Variants in CTBP2 observed in about 807,000 individuals in gnomAD.
CTBP2 encodes C-terminal binding protein 2, also known as C-terminal-binding protein 2.
Under a neutral mutation model 80.3 loss-of-function variants are expected in CTBP2, and 30 were observed. The observed-to-expected ratio is 0.37, with a 90% CI of 0.28 to 0.51. The LOEUF (loss-of-function observed/expected upper bound fraction) is 0.51. Among genes scored for constraint, CTBP2 ranks in the 20% least tolerant of loss-of-function variants. The pLI is 0.93. For missense variants in CTBP2, 1,212 were observed against 1,375.3 expected, an observed-to-expected ratio of 0.88 and a Z score of 1.88; for synonymous variants, 594 against 587.4, an observed-to-expected ratio of 1.01 and a Z score of -0.16.
chr10:125,083,778 G>C (rs778358902), intron 2 of CTBP2, among the ~76,000 whole-genome samples: 8 of 151,958 alleles, frequency 5.3e-5, no homozygotes, highest in Non-Finnish European at 1.0e-4. Context: ...CCCAGCTAAA[G>C]TTTTTTTTGT....
At chr10:125,132,530 A>G (rs1856352090) in intron 1 of CTBP2, among the ~76,000 whole-genome samples, 1 of 152,088 alleles carries the variant, frequency 6.6e-6, no homozygotes, top group Non-Finnish European at 1.5e-5. Context: ...GAGGAGGAGG[A>G]TTTCCAACCA....
chr10:125,134,332 C>G lies in CTBP2; in HGVS notation c.-205-23239G>C, dbSNP rs372782866. Among the ~76,000 whole-genome samples the G allele has an allele frequency of 1.9e-3, 296 of 152,130 alleles. 1 individual carries two copies. The highest frequency in any genetic ancestry group is 7.0e-3 in the African/African-American group (289 of 41,510). Reference sequence around the variant, plus strand: ...CCAACTCAAGTCCACCCAGCGGAAGCCCCCCCGCCCCGTGCCTTGCTCAGC... The same window carrying G: ...CCAACTCAAGTCCACCCAGCGGAAGGCCCCCCGCCCCGTGCCTTGCTCAGC... On this transcript the variant is annotated intron_variant, in intron 1 of 10. Transcript: ENST00000337195.
rs1006177396 is a variant in CTBP2, at chr10:124,985,074, A to C, written c.*4444T>G. The C allele has an allele frequency of 7.8e-6, 9 of 1,153,696 alleles. No individual in the cohort carries two copies. Among genetic ancestry groups the C allele is most frequent in the African/African-American group, 1.5e-5 (1 of 64,934 alleles). 71.5% of individuals were successfully genotyped at this position (1,153,696 alleles called of 1,614,324 possible). ...TAGTGTGGTGCTCCAAGCAGAGTCG[A>C]CATCATGGAATGAACCAAATCTGGC... On this transcript the variant is annotated 3_prime_UTR_variant, in exon 9 of 9. Transcript: ENST00000309035.
chr10:125,034,884 G>C (rs1414011780), intron 3 of CTBP2, among the ~76,000 whole-genome samples: 1 of 152,206 alleles, frequency 6.6e-6, no homozygotes, highest in African/African-American at 2.4e-5. Context: ...GCTCTGATGG[G>C]TGTTTGCCAG....
intron 1 of CTBP2, among the ~76,000 whole-genome samples, chr10:125,156,172 G>A (rs1309120738): frequency 6.6e-6 from 1 of 152,140 alleles, no homozygotes; most frequent in Non-Finnish European, 1.5e-5. Flanking sequence ...CCTGAGCTGT[G>A]CCCTGCCCAA....
chr10:125,061,054 G>T (rs1432186031), intron 2 of CTBP2, among the ~76,000 whole-genome samples: 1 of 152,178 alleles, frequency 6.6e-6, no homozygotes, highest in Non-Finnish European at 1.5e-5. Flanking sequence ...ACTCTCCCAG[G>T]ATTCCTGCGG....
Position 125,066,211 on chromosome 10 carries a change from C to A in CTBP2, c.-101-27056G>T, listed in dbSNP as rs2135403771. Among the ~76,000 whole-genome samples, 1 of 152,196 alleles carries A rather than the reference C, an allele frequency of 6.6e-6. No individual in the cohort carries two copies. The highest frequency in any genetic ancestry group is 1.9e-4 in the East Asian group (1 of 5,156). On this transcript the variant is annotated intron_variant, in intron 2 of 10. Coordinates refer to the CTBP2 transcript ENST00000337195. This position sits in a 1 kb window ranked among gnomAD's most constrained non-coding sequence, Gnocchi z 4.1. ...TGAGCTATGAGCCCCTACATCACAG[C>A]TTCTGTTAACATGGCGATGGCTAGG...
Position 125,026,444 on chromosome 10 carries a change from T to C in CTBP2, c.1316A>G (p.Tyr439Cys). 2 of 1,600,984 alleles carry C rather than the reference T, an allele frequency of 1.2e-6. No homozygotes were observed. Among genetic ancestry groups the C allele is most frequent in the African/African-American group, 1.3e-5 (1 of 74,668 alleles). ...CAGGGCGCAAGGGGTGGGAGAGCTG[T>C]ACCCGGAGTTGGAGGGGAAGTGTGG... The change falls in exon 1 of 9, where the codon TAC (tyrosine) becomes TGC (cysteine). Residue 439 changes from tyrosine (Y) to cysteine (C), a missense_variant. Physicochemically the swap from Tyr to Cys is radical, Grantham distance 194 (BLOSUM62 -2). Around this residue, in one of 3 missense-constraint regions of CTBP2, gnomAD observed 848 missense variants for 782.3 expected, o/e 1.08. Transcript: ENST00000309035.
rs147571820 is a variant in CTBP2 at position 124,992,754 on chromosome 10, C to T, written c.2718G>A (p.Ala906=). ...CTTGCTGGTCTATTACTGACCAAGGCGCTGATGTGACAAAGAATTCCTTGT... is the reference window on the plus strand; with the variant it reads ...CTTGCTGGTCTATTACTGACCAAGGTGCTGATGTGACAAAGAATTCCTTGT... The change falls in exon 8 of 9, where the codon GCG becomes GCA. Residue 906 remains alanine, a synonymous_variant. Coordinates refer to ENST00000309035, the MANE Select transcript of CTBP2 (RefSeq NM_022802.3). 5.7e-5 allele frequency: 92 copies of T among 1,609,788 alleles called. No homozygotes were observed. The African/African-American group carries it at 7.5e-4, about 13-fold the overall frequency.
intron 1 of CTBP2, among the ~76,000 whole-genome samples, chr10:125,139,723 C>A (rs1478780840): frequency 6.6e-6 from 1 of 152,182 alleles, no homozygotes; most frequent in Non-Finnish European, 1.5e-5. Flanking sequence ...AACTTCCCCA[C>A]CCAAAGTGTG....
chr10:124,989,756 G>A, intron 8 of CTBP2, 58 bp from the exon 11 acceptor site: 1 of 1,474,608 alleles, frequency 6.8e-7, no homozygotes, highest in Non-Finnish European at 9.1e-7. Context: ...CCAAGCTCTT[G>A]GCTCTTCTAC....
At chr10:125,133,920 C>T (rs1856566397) in intron 1 of CTBP2, among the ~76,000 whole-genome samples, 1 of 152,202 alleles carries the variant, frequency 6.6e-6, no homozygotes, top group Admixed American at 6.5e-5. Context: ...CACTTCCTAA[C>T]CACGGCTGGA....
rs1178484957 is a variant in CTBP2, at chr10:124,987,563, T to G, written c.*1955A>C. 1 of 152,144 alleles carries G rather than the reference T, an allele frequency of 6.6e-6. No individual in the cohort carries two copies. The highest frequency in any genetic ancestry group is 1.5e-5 in the Non-Finnish European group (1 of 68,022). 9.4% of individuals were successfully genotyped at this position (152,144 alleles called of 1,614,324 possible). ...CACGCATATTTCATTGCCTCTTTGA[T>G]GAGTGGTTACGAAGACGTTAAACTA... is the stretch of plus-strand genomic sequence containing the variant. On this transcript the variant is annotated 3_prime_UTR_variant, in exon 9 of 9. Transcript: ENST00000309035.
chr10:125,020,924 G>A (rs552126886), intron 1 of CTBP2, among the ~76,000 whole-genome samples: 2 of 152,318 alleles, frequency 1.3e-5, no homozygotes, highest in African/African-American at 2.4e-5. Flanking sequence ...GGCCCACTAA[G>A]CTTTAACAAG....
rs3906796 is a variant in CTBP2 at position 124,985,429 on chromosome 10, A to C, written c.*4089T>G. 121,676 of 154,084 alleles carry C rather than the reference A, an allele frequency of 0.79. 49,483 individuals are homozygous for C. Among genetic ancestry groups the C allele is most frequent in the East Asian group, 0.95 (4,957 of 5,222 alleles). 9.5% of individuals were successfully genotyped at this position (154,084 alleles called of 1,614,324 possible). ...TTATTTCAGTAGAACCTGGCATTCTACTTTCACCTTAAAAGATCCATCTAA... is the reference window on the plus strand; with the variant it reads ...TTATTTCAGTAGAACCTGGCATTCTCCTTTCACCTTAAAAGATCCATCTAA... On this transcript the variant is annotated 3_prime_UTR_variant, in exon 9 of 9. Transcript: ENST00000309035.
chr10:125,074,179 T>C (rs1041057652), intron 2 of CTBP2, among the ~76,000 whole-genome samples: 1 of 152,162 alleles, frequency 6.6e-6, no homozygotes, highest in African/African-American at 2.4e-5. Flanking sequence ...CAAAGTCTCC[T>C]GAAAGCAGCA....
chr10:125,073,972 C>T (rs746368954), intron 2 of CTBP2, among the ~76,000 whole-genome samples: 7 of 152,200 alleles, frequency 4.6e-5, no homozygotes, highest in Middle Eastern at 3.2e-3. Context: ...CCACCCAGCA[C>T]CACAGAATGC....
intron 1 of CTBP2, among the ~76,000 whole-genome samples, chr10:125,144,168 C>CG (rs1419700839): frequency 2.6e-5 from 4 of 152,146 alleles, no homozygotes; most frequent in Non-Finnish European, 4.4e-5. Flanking sequence ...CCTTTCAACC[C>CG]GGGGGACTCC....
At chr10:125,115,071 C>T (rs2135966354) in intron 1 of CTBP2, among the ~76,000 whole-genome samples, 1 of 152,250 alleles carries the variant, frequency 6.6e-6, no homozygotes, top group East Asian at 1.9e-4. Flanking sequence ...GATTCATCAC[C>T]CCTGCTTCAA....
Sources: gnomAD v4.1 joint callset for allele counts (sites outside exome capture counted in the v4.1 genomes callset) on GRCh38, gnomAD v4.1.1 for gene constraint, gnomAD v4.1.1 regional missense constraint, Gnocchi (gnomAD v3.1) non-coding constraint, MANE v1.5 for transcripts, NCBI Gene and HGNC (gene_info 2026-07-23, HGNC 2026-07-21) for gene names.